LUZP2: variants seen among roughly 807,000 people sequenced by gnomAD.
The protein encoded by LUZP2 is leucine zipper protein 2.
LUZP2 carries 52 observed loss-of-function variants against 51.6 expected under a neutral mutation model. The ratio of observed to expected loss-of-function variants is 1.01; its 90% confidence interval spans 0.81 to 1.27. LUZP2 has a LOEUF of 1.27. Ranked by LOEUF, LUZP2 falls within the 50% of genes most tolerant of loss-of-function variation. The probability of loss-of-function intolerance (pLI) is 0.00; values close to 1 mark genes in which losing one functional copy is unlikely to be tolerated. For synonymous variants in LUZP2, 154 were observed against 137.3 expected (o/e 1.12, Z -0.85); for missense variants, 436 against 395.4 (o/e 1.10, Z -0.87).
At position 24,926,611 on chromosome 11, in the gene LUZP2, A is replaced by G. The variant is rs927176334; in HGVS notation, c.522+12073A>G. ...TGTGTGTATATATATGTGTGTATAT[A>G]TGTATATATATATGTGTGTATATAT... On this transcript the variant is annotated intron_variant, in intron 7 of 11. Coordinates refer to ENST00000336930, the MANE Select transcript of LUZP2 (RefSeq NM_001009909.4). Among the ~76,000 whole-genome samples the G allele has an allele frequency of 2.1e-5, 3 of 145,676 alleles. No homozygotes were observed. The Admixed American group carries it at 2.1e-4, about 10-fold the overall frequency.
chr11:24,593,900 G>T (rs1158333181), intron 1 of LUZP2, among the ~76,000 whole-genome samples: 2 of 152,174 alleles, frequency 1.3e-5, no homozygotes, highest in Non-Finnish European at 2.9e-5. Flanking sequence ...GAGAGATATT[G>T]TTGTGGCCAC....
intron 1 of LUZP2, among the ~76,000 whole-genome samples, chr11:24,709,241 C>T (rs1449822769): frequency 1.3e-5 from 2 of 151,904 alleles, no homozygotes; most frequent in African/African-American, 4.8e-5. Flanking sequence ...ACAGTTTCTA[C>T]CAGTAAGGGA....
At chr11:24,643,254 C>CAAAAAAAA (rs570616833) in intron 1 of LUZP2, among the ~76,000 whole-genome samples, 12 of 75,716 alleles carry the variant, frequency 1.6e-4, no homozygotes, top group East Asian at 3.3e-4. Flanking sequence ...ACTAAAAGTA[C>CAAAAAAAA]AAAAAAAAAA....
intron 4 of LUZP2, among the ~76,000 whole-genome samples, chr11:24,761,210 A>G (rs1325423733): frequency 6.6e-6 from 1 of 152,140 alleles, no homozygotes; most frequent in Non-Finnish European, 1.5e-5. Context: ...GGGAGGTCTC[A>G]GGGAGCTTTT....
At chr11:25,028,751 G>A (rs187299260) in intron 9 of LUZP2, among the ~76,000 whole-genome samples, 4 of 151,078 alleles carry the variant, frequency 2.6e-5, no homozygotes, top group Non-Finnish European at 5.9e-5. Context: ...TGAAAATCCA[G>A]TTCATCCATA....
chr11:24,754,091 A>G (rs1859687669), intron 4 of LUZP2, among the ~76,000 whole-genome samples: 1 of 152,140 alleles, frequency 6.6e-6, no homozygotes. Flanking sequence ...CCACCTTGTG[A>G]GATGAATCCC....
At chr11:24,546,934 G>A (rs61875610) in intron 1 of LUZP2, among the ~76,000 whole-genome samples, 5 of 150,716 alleles carry the variant, frequency 3.3e-5, no homozygotes, top group Non-Finnish European at 7.4e-5. Context: ...TTTGTTTTGT[G>A]TGTGTTTTTG....
chr11:24,663,241 T>A (rs1221247295), intron 1 of LUZP2, among the ~76,000 whole-genome samples: 5 of 151,994 alleles, frequency 3.3e-5, no homozygotes, highest in African/African-American at 9.7e-5. Context: ...TTCCCCTTGA[T>A]GTTCTTGTGA....
intron 1 of LUZP2, among the ~76,000 whole-genome samples, chr11:24,563,527 A>G (rs1009927711): frequency 2.0e-5 from 3 of 152,190 alleles, no homozygotes; most frequent in South Asian, 2.1e-4. Flanking sequence ...GTTATTGGAT[A>G]TAATAAGTAC....
intron 5 of LUZP2, among the ~76,000 whole-genome samples, chr11:24,835,661 C>A (rs539706903): frequency 1.3e-5 from 2 of 151,986 alleles, no homozygotes; most frequent in African/African-American, 2.4e-5. Context: ...ACAGACAGAG[C>A]TAGATGAAAT....
At chr11:24,986,561 G>GTGTGTA (rs1420347721) in intron 9 of LUZP2, among the ~76,000 whole-genome samples, 3 of 151,122 alleles carry the variant, frequency 2.0e-5, no homozygotes, top group Non-Finnish European at 4.4e-5. Flanking sequence ...GTGTGTGTGT[G>GTGTGTA]TGTGTGTAAC....
intron 1 of LUZP2, among the ~76,000 whole-genome samples, chr11:24,683,846 G>A (rs1475783645): frequency 6.6e-6 from 1 of 151,944 alleles, no homozygotes; most frequent in African/African-American, 2.4e-5. Context: ...CTGTTTGTCT[G>A]AAGGTTCAAC....
intron 5 of LUZP2, among the ~76,000 whole-genome samples, chr11:24,770,302 T>C (rs757213971): frequency 1.7e-4 from 26 of 152,286 alleles, no homozygotes; most frequent in Admixed American, 3.9e-4. Flanking sequence ...CTAGGACAAA[T>C]ATCTTTAATT....
At chr11:24,627,466 T>C (rs1309742968) in intron 1 of LUZP2, among the ~76,000 whole-genome samples, 1 of 152,194 alleles carries the variant, frequency 6.6e-6, no homozygotes, top group Non-Finnish European at 1.5e-5. Context: ...ATACCAAAAA[T>C]GGAGACCCAA....
chr11:24,786,698 T>TGTATATTATGTATTTGTATATAAATAG (rs1849258129), intron 5 of LUZP2: 2 of 131,182 alleles, frequency 1.5e-5, no homozygotes, highest in African/African-American at 5.5e-5. Flanking sequence ...TATATAAATA[T>TGTATATTATGTATTTGTATATAAATAG]GTATATTATG....
intron 1 of LUZP2, among the ~76,000 whole-genome samples, chr11:24,603,132 A>G (rs891392508): frequency 6.6e-6 from 1 of 151,748 alleles, no homozygotes; most frequent in Non-Finnish European, 1.5e-5. Context: ...TTTGGTTTCA[A>G]ATGGTATGAC....
intron 1 of LUZP2, among the ~76,000 whole-genome samples, chr11:24,581,229 T>C (rs1379390319): frequency 2.0e-5 from 3 of 151,490 alleles, no homozygotes; most frequent in Non-Finnish European, 4.4e-5. Flanking sequence ...TCCCCACTTA[T>C]TATTGAATAC....
chr11:25,033,815 C>A lies in LUZP2; in HGVS notation c.766-16223C>A, dbSNP rs368312994. On this transcript the variant is annotated intron_variant, in intron 9 of 11. Transcript: ENST00000336930. ...TTTTCATGTACACATTTTCTTGATC[C>A]AATCCACCATTGAAAAACAGGCACC... 7.0e-4 allele frequency among the ~76,000 whole-genome samples: 107 copies of A among 152,096 alleles called. 1 individual carries two copies. The highest frequency in any genetic ancestry group is 3.4e-3 in the Middle Eastern group (1 of 294).
intron 8 of LUZP2, 41 bp downstream of exon 8, chr11:24,976,706 CAAAAAAAAAA>C (rs57265111): frequency 2.9e-4 from 97 of 333,264 alleles, no homozygotes; most frequent in South Asian, 9.1e-4. Flanking sequence ...GTAGTTTTAG[CAAAAAAAAAA>C]AAAAAAAAAA....
Sources: allele counts gnomAD v4.1 joint callset (sites outside exome capture counted in the v4.1 genomes callset), GRCh38; gene constraint gnomAD v4.1.1; transcripts MANE v1.5; gene names NCBI Gene and HGNC (gene_info 2026-07-23, HGNC 2026-07-21).